The following SUCO variants were observed in gnomAD, a reference collection of about 807,000 sequenced individuals.
The protein encoded by SUCO is SUN domain-containing ossification factor.
A neutral mutation model predicts 148.1 loss-of-function variants in SUCO; 57 were observed. That is an observed-to-expected ratio of 0.38 (90% CI 0.31 to 0.48). The LOEUF (loss-of-function observed/expected upper bound fraction) is 0.48. SUCO is among the 20% of genes least tolerant of loss of function. SUCO has a pLI of 0.96. For synonymous variants in SUCO, 470 were observed against 502.7 expected (o/e 0.93, Z 0.87); for missense variants, 1,331 against 1,468.2 (o/e 0.91, Z 1.53).
chr1:172,542,710 G>A, intron 1 of SUCO: 1 of 985,218 alleles, frequency 1.0e-6, no homozygotes, highest in Non-Finnish European at 1.2e-6. Flanking sequence ...CCAAAAGGTT[G>A]GGGACCGCTG....
chr1:172,608,895 T>A, intron 23 of SUCO, 93 bp downstream of exon 23: 1 of 840,346 alleles, frequency 1.2e-6, no homozygotes, highest in Non-Finnish European at 2.0e-6. Flanking sequence ...TACCTTTAAG[T>A]AGTCCTTAAC....
At chr1:172,593,251 T>G in intron 19 of SUCO, among the ~76,000 whole-genome samples, 1 of 152,216 alleles carries the variant, frequency 6.6e-6, no homozygotes, top group Non-Finnish European at 1.5e-5. Flanking sequence ...CTTTTCCTAA[T>G]TGAATACCCT....
chr1:172,577,884 A>G, intron 13 of SUCO, 65 bp downstream of exon 13: 2 of 1,232,502 alleles, frequency 1.6e-6, no homozygotes, highest in South Asian at 1.4e-5. Flanking sequence ...TTTTCGATAT[A>G]TTTAAAGTGA....
chr1:172,533,384 C>T lies in SUCO; in HGVS notation c.-52C>T. 2.6e-6 allele frequency: 4 copies of T among 1,551,898 alleles called. No homozygotes were observed. The South Asian group carries it at 3.6e-5, about 14-fold the overall frequency. ...TCCTCCATCTTGGCCTCGGCAGTGG[C>T]GGCTGCCGGGAGGATGTGCCGCCTT... On this transcript the variant is annotated 5_prime_UTR_variant, in exon 1 of 24. Coordinates refer to ENST00000263688, the MANE Select transcript of SUCO (RefSeq NM_014283.5).
At chr1:172,585,500 C>A (rs1656176498) in intron 16 of SUCO, among the ~76,000 whole-genome samples, 1 of 151,720 alleles carries the variant, frequency 6.6e-6, no homozygotes, top group African/African-American at 2.4e-5. Context: ...ACAGTCTTGC[C>A]TTTTTGTTTT....
chr1:172,575,012 A>C (rs1297771377), intron 10 of SUCO: 5 of 380,494 alleles, frequency 1.3e-5, no homozygotes, highest in African/African-American at 1.1e-4. Flanking sequence ...CATTATTTTG[A>C]GGAGTTCTTA....
intron 17 of SUCO, 49 bp downstream of exon 17, chr1:172,585,997 A>C: frequency 8.2e-7 from 1 of 1,221,982 alleles, no homozygotes; most frequent in Non-Finnish European, 1.2e-6. Context: ...ATGGAGAGAT[A>C]AGTATATTAG....
rs1267388651 is a variant in SUCO at position 172,551,641 on chromosome 1, G to T, written c.177+15G>T. ...TCCAGAAAAAGGTGCCTTAAATAAA[G>T]TTAACATTATAATTTGTGTGTCAGC... On this transcript the variant is annotated intron_variant, in intron 2 of 23. Transcript: ENST00000263688. 6.7e-7 allele frequency: 1 copy of T among 1,497,370 alleles called. No homozygotes were observed. The highest frequency in any genetic ancestry group is 1.8e-5 in the Admixed American group (1 of 56,690). 92.8% of individuals were successfully genotyped at this position (1,497,370 alleles called of 1,614,324 possible).
At position 172,573,812 on chromosome 1, in the gene SUCO, A is replaced by T. The variant is rs538327879; in HGVS notation, c.1050-79A>T. The T allele has an allele frequency of 3.2e-5, 25 of 787,554 alleles. 1 individual carries two copies. The East Asian group carries it at 4.0e-4, about 13-fold the overall frequency. 48.8% of individuals were successfully genotyped at this position (787,554 alleles called of 1,614,324 possible). ...GTAACTCTTAATGGTAGTCTAATTT[A>T]TGGAAACTGTTAATGTCATATTTAA... On this transcript the variant is annotated intron_variant, in intron 9 of 23. Coordinates refer to ENST00000263688, the MANE Select transcript of SUCO (RefSeq NM_014283.5).
intron 1 of SUCO, among the ~76,000 whole-genome samples, chr1:172,536,858 T>G (rs1652060361): frequency 6.6e-6 from 1 of 152,188 alleles, no homozygotes; most frequent in Non-Finnish European, 1.5e-5. Context: ...TCAGTCCTTA[T>G]GTCTACTAAT....
At chr1:172,609,785 A>C (rs369567582) in intron 23 of SUCO, 31 bp from the exon 24 acceptor site, 8 of 1,566,748 alleles carry the variant, frequency 5.1e-6, no homozygotes, top group South Asian at 1.2e-5. Context: ...GGGAAGTATC[A>C]TTACTAACTT....
intron 19 of SUCO, among the ~76,000 whole-genome samples, chr1:172,592,735 G>A (rs1656763806): frequency 6.6e-6 from 1 of 152,128 alleles, no homozygotes; most frequent in Admixed American, 6.5e-5. Flanking sequence ...TGTTCTTTTT[G>A]CTTAGGATTG....
rs778238751 is a variant in SUCO, at chr1:172,602,654, T to C, written c.3174-42T>C. ...CAACAAAAGAGTAAATTATATGTGC[T>C]TTACTCGTTGTAACCAATATGTATT... is the stretch of plus-strand genomic sequence containing the variant. On this transcript the variant is annotated intron_variant, in intron 21 of 23. Transcript: ENST00000263688. The C allele has an allele frequency of 3.1e-6, 5 of 1,603,760 alleles. No individual in the cohort carries two copies. The South Asian group carries it at 5.6e-5, about 18-fold the overall frequency.
chr1:172,590,624 A>G (rs1656583720), intron 18 of SUCO, among the ~76,000 whole-genome samples: 1 of 152,140 alleles, frequency 6.6e-6, no homozygotes, highest in African/African-American at 2.4e-5. Flanking sequence ...TTAAATTGAA[A>G]TGCCACTAAT....
In SUCO at chr1:172,545,368, C is replaced by T. The variant is rs114825471; in HGVS notation, c.63-6144C>T. ...CTGTCAACTAAAAACCATGAGAGTA[C>T]GTAAGTCTCCTATGTAGAATATAAA... On this transcript the variant is annotated intron_variant, in intron 1 of 23. Transcript: ENST00000263688. Among the ~76,000 whole-genome samples the T allele has an allele frequency of 5.6e-3, 857 of 152,176 alleles. 6 individuals carry two copies. Among genetic ancestry groups the T allele is most frequent in the African/African-American group, 0.019 (790 of 41,520 alleles).
intron 1 of SUCO, among the ~76,000 whole-genome samples, chr1:172,543,212 T>G (rs1652619706): frequency 6.6e-6 from 1 of 152,234 alleles, no homozygotes; most frequent in Non-Finnish European, 1.5e-5. Context: ...AATTTTTAAA[T>G]GCCTGCAGTC....
chr1:172,548,148 T>C (rs1047223518), intron 1 of SUCO, among the ~76,000 whole-genome samples: 2 of 151,984 alleles, frequency 1.3e-5, no homozygotes, highest in African/African-American at 2.4e-5. Context: ...TATTATCAGT[T>C]TTTTCCATTC....
Position 172,594,786 on chromosome 1 carries a change from A to G in SUCO, c.2913+3715A>G, listed in dbSNP as rs562610688. Among the ~76,000 whole-genome samples, 3 of 152,350 alleles carry G rather than the reference A, an allele frequency of 2.0e-5. No homozygotes were observed. The East Asian group carries it at 5.8e-4, about 29-fold the overall frequency. On this transcript the variant is annotated intron_variant, in intron 19 of 23. Coordinates refer to ENST00000263688, the MANE Select transcript of SUCO (RefSeq NM_014283.5). ...AGGGTGGAGAGTTCAGTAGATGTCT[A>G]TTAAGTTGGCTCAGTGCAGAGCTGA... is the stretch of plus-strand genomic sequence containing the variant.
chr1:172,537,858 CT>C (rs1409891942), intron 1 of SUCO, among the ~76,000 whole-genome samples: 1 of 152,192 alleles, frequency 6.6e-6, no homozygotes, highest in Non-Finnish European at 1.5e-5. Context: ...GGTTCTGTCA[CT>C]AACTGTATGT....
Sources: gnomAD v4.1 joint callset for allele counts (sites outside exome capture counted in the v4.1 genomes callset) on GRCh38, gnomAD v4.1.1 for gene constraint, MANE v1.5 for transcripts, NCBI Gene and HGNC (gene_info 2026-07-23, HGNC 2026-07-21) for gene names.